Variants in PCDH9 observed in about 807,000 individuals in gnomAD.
PCDH9 encodes protocadherin 9, also known as protocadherin-9.
In PCDH9, 24 loss-of-function variants were observed where a neutral mutation model predicts 70.6. That is an observed-to-expected ratio of 0.34 (90% CI 0.25 to 0.48). PCDH9 has a LOEUF of 0.48. Among genes scored for constraint, PCDH9 ranks in the 20% least tolerant of loss-of-function variants. The pLI is 0.99. For synonymous variants in PCDH9, 562 were observed against 558.5 expected (o/e 1.01, Z -0.09); for missense variants, 1,281 against 1,503.6 (o/e 0.85, Z 2.45).
intron 4 of PCDH9, among the ~76,000 whole-genome samples, chr13:66,412,907 G>C (rs1416078405): frequency 2.0e-5 from 3 of 152,168 alleles, no homozygotes; most frequent in African/African-American, 7.2e-5. Context: ...GGCACTGATT[G>C]TGCTAAACAA....
chr13:67,109,174 A>G (rs562127359), intron 2 of PCDH9, among the ~76,000 whole-genome samples: 1 of 152,324 alleles, frequency 6.6e-6, no homozygotes, highest in South Asian at 2.1e-4. Context: ...TCATAAGGAA[A>G]AAATAAAAGG....
intron 4 of PCDH9, among the ~76,000 whole-genome samples, chr13:66,362,908 C>T (rs1285030774): frequency 3.3e-5 from 5 of 152,136 alleles, no homozygotes; most frequent in African/African-American, 4.8e-5. Context: ...AGGCCAGGCA[C>T]GGTGGCTCAG....
chr13:67,067,284 C>G (rs1427678424), intron 2 of PCDH9, among the ~76,000 whole-genome samples: 2 of 152,118 alleles, frequency 1.3e-5, no homozygotes, highest in Admixed American at 6.6e-5. Flanking sequence ...ATTTTTAATA[C>G]TAACTAGACA....
chr13:66,719,507 C>G (rs1211144688), intron 3 of PCDH9, among the ~76,000 whole-genome samples: 1 of 152,106 alleles, frequency 6.6e-6, no homozygotes, highest in Non-Finnish European at 1.5e-5. Context: ...AGAGGGTGAG[C>G]TCTCATGAGA....
intron 2 of PCDH9, among the ~76,000 whole-genome samples, chr13:67,064,503 T>G (rs1214240138): frequency 6.6e-6 from 1 of 152,196 alleles, no homozygotes; most frequent in Non-Finnish European, 1.5e-5. Context: ...AGTGCTTTTA[T>G]CATATCAAAT....
chr13:66,770,094 T>G (rs1379603587), intron 3 of PCDH9, among the ~76,000 whole-genome samples: 1 of 152,154 alleles, frequency 6.6e-6, no homozygotes, highest in Non-Finnish European at 1.5e-5. Context: ...TGCATGCATA[T>G]TTTAATAGTG....
intron 3 of PCDH9, among the ~76,000 whole-genome samples, chr13:66,902,540 A>G (rs924349882): frequency 1.3e-5 from 2 of 151,584 alleles, no homozygotes; most frequent in African/African-American, 4.8e-5. Flanking sequence ...GAGGGGACCT[A>G]CGTTCTGTAA....
chr13:66,382,733 T>G (rs1956868956), intron 4 of PCDH9, among the ~76,000 whole-genome samples: 1 of 152,138 alleles, frequency 6.6e-6, no homozygotes, highest in African/African-American at 2.4e-5. Context: ...TTACAAAATA[T>G]TCTTAATTAT....
chr13:66,845,049 T>C (rs1566235380), intron 3 of PCDH9, among the ~76,000 whole-genome samples: 2 of 152,062 alleles, frequency 1.3e-5, no homozygotes, highest in Non-Finnish European at 2.9e-5. Flanking sequence ...TAGGCAGCCA[T>C]GGGTGGGCCT....
intron 2 of PCDH9, among the ~76,000 whole-genome samples, chr13:67,005,005 C>T (rs1407699872): frequency 6.6e-6 from 1 of 151,848 alleles, no homozygotes; most frequent in East Asian, 1.9e-4. Context: ...GATCTTTTTC[C>T]TCCTCTCTGT....
At chr13:66,503,767 G>A (rs1032250375) in intron 4 of PCDH9, among the ~76,000 whole-genome samples, 2 of 152,234 alleles carry the variant, frequency 1.3e-5, no homozygotes, top group African/African-American at 2.4e-5. Context: ...TTACATTTTT[G>A]TGGGTACTTC....
At chr13:66,862,404 G>C (rs2081499457) in intron 3 of PCDH9, among the ~76,000 whole-genome samples, 2 of 152,152 alleles carry the variant, frequency 1.3e-5, no homozygotes, top group Non-Finnish European at 2.9e-5. Flanking sequence ...TCGAGAAATT[G>C]AGAAAAATAC....
At chr13:67,100,281 TAA>T (rs1419562922) in intron 2 of PCDH9, among the ~76,000 whole-genome samples, 1 of 152,142 alleles carries the variant, frequency 6.6e-6, no homozygotes, top group Non-Finnish European at 1.5e-5. Context: ...ATAAAAATAA[TAA>T]AGAGGTAATT....
chr13:66,460,392 G>T (rs1351551569), intron 4 of PCDH9, among the ~76,000 whole-genome samples: 1 of 151,904 alleles, frequency 6.6e-6, no homozygotes, highest in East Asian at 1.9e-4. Flanking sequence ...TTCTGCACCT[G>T]CCCAGTACCT....
intron 4 of PCDH9, among the ~76,000 whole-genome samples, chr13:66,396,828 C>T (rs1291414219): frequency 1.3e-5 from 2 of 152,094 alleles, no homozygotes; most frequent in African/African-American, 4.8e-5. Flanking sequence ...TACAGTATTA[C>T]AGATTTTGAA....
At chr13:66,892,363 C>T (rs2082110859) in intron 3 of PCDH9, among the ~76,000 whole-genome samples, 1 of 151,228 alleles carries the variant, frequency 6.6e-6, no homozygotes, top group Non-Finnish European at 1.5e-5. Flanking sequence ...ATAGAATGTC[C>T]ATAATAAGAT....
intron 4 of PCDH9, among the ~76,000 whole-genome samples, chr13:66,612,817 A>G (rs1341994017): frequency 6.0e-5 from 9 of 151,040 alleles, no homozygotes. Context: ...TTGAGAGTCC[A>G]TGTTTCTGCT....
chr13:67,216,589 A>G (rs2089607155), intron 2 of PCDH9: 2 of 150,334 alleles, frequency 1.3e-5, no homozygotes, highest in Non-Finnish European at 3.0e-5. Context: ...ATATTATCTG[A>G]GACCATAAGT....
At chr13:66,454,212 GA>G (rs1386025967) in intron 4 of PCDH9, among the ~76,000 whole-genome samples, 1 of 150,642 alleles carries the variant, frequency 6.6e-6, no homozygotes, top group South Asian at 2.1e-4. Context: ...TGAGTAGTTA[GA>G]AAAAAAAGAC....
Sources: allele counts gnomAD v4.1 joint callset (sites outside exome capture counted in the v4.1 genomes callset), GRCh38; gene constraint gnomAD v4.1.1; transcripts MANE v1.5; gene names NCBI Gene and HGNC (gene_info 2026-07-23, HGNC 2026-07-21).